The following SLC41A3 variants were observed in gnomAD, a reference collection of about 807,000 sequenced individuals.
The protein encoded by SLC41A3 is solute carrier family 41 member 3, also known as SLC41A1-like 2.
SLC41A3 carries 44 observed loss-of-function variants against 45.4 expected under a neutral mutation model. The observed-to-expected ratio is 0.97, with a 90% CI of 0.76 to 1.25. The LOEUF is 1.25. Among genes scored for constraint, SLC41A3 ranks in the 50% most tolerant of loss-of-function variants. The pLI is 0.00. For missense variants in SLC41A3, 550 were observed against 600.6 expected (o/e 0.92, Z 0.88); for synonymous variants, 256 against 252.4 (o/e 1.01, Z -0.13).
At chr3:126,065,879 G>A (rs1007288202) in intron 2 of SLC41A3, among the ~76,000 whole-genome samples, 7 of 152,150 alleles carry the variant, frequency 4.6e-5, no homozygotes, top group African/African-American at 1.4e-4. Context: ...ATAGAAAAAT[G>A]AGCAAAGAAT....
At chr3:126,087,057 T>C (rs1945409007), upstream of SLC41A3, among the ~76,000 whole-genome samples, 1 of 152,188 alleles carries the variant, frequency 6.6e-6, no homozygotes, top group African/African-American at 2.4e-5. Flanking sequence ...TTGCATTTAT[T>C]GATCAAGTAG....
intron 3 of SLC41A3, among the ~76,000 whole-genome samples, chr3:126,034,016 C>G (rs1049756197): frequency 7.9e-5 from 12 of 152,092 alleles, no homozygotes. Context: ...CACATGCATG[C>G]ACACACACAG....
rs1375414849 is a variant in SLC41A3 at position 126,026,319 on chromosome 3, C to G, written c.598+16G>C. On this transcript the variant is annotated intron_variant, in intron 5 of 10. Transcript: ENST00000360370. The surrounding 1 kb of genome is among the most constrained non-coding windows in gnomAD (Gnocchi z 4.2). ...GCAGGGAGCGGGTGGGGGCTCACAGCTGGGGCATGGCTCACCCAGGGCAAA... is the reference window on the plus strand; with the variant it reads ...GCAGGGAGCGGGTGGGGGCTCACAGGTGGGGCATGGCTCACCCAGGGCAAA... 6.4e-7 allele frequency: 1 copy of G among 1,555,310 alleles called. No individual in the cohort carries two copies. Among genetic ancestry groups the G allele is most frequent in the Non-Finnish European group, 8.7e-7 (1 of 1,148,762 alleles).
At chr3:126,090,639 CTTGT>C (rs1945472295) in intron 1 of SLC41A3, among the ~76,000 whole-genome samples, 2 of 152,132 alleles carry the variant, frequency 1.3e-5, no homozygotes, top group African/African-American at 2.4e-5. Context: ...TTTCTCTCTC[CTTGT>C]TTTACTTCCA....
intron 6 of SLC41A3, 32 bp downstream of exon 6, chr3:126,022,754 C>T: frequency 6.2e-7 from 1 of 1,613,184 alleles, no homozygotes; most frequent in East Asian, 2.2e-5. Context: ...CTCCACGGAG[C>T]CTTTGTGTCT....
At chr3:126,037,483 C>G (rs574010933) in intron 3 of SLC41A3, among the ~76,000 whole-genome samples, 15 of 152,208 alleles carry the variant, frequency 9.9e-5, no homozygotes, top group African/African-American at 3.6e-4. Flanking sequence ...AAAAGGTCAC[C>G]CTTGTTACAC....
intron 8 of SLC41A3, among the ~76,000 whole-genome samples, chr3:126,013,376 A>T (rs1939919891): frequency 6.6e-6 from 1 of 151,978 alleles, no homozygotes; most frequent in South Asian, 2.1e-4. Context: ...CCTGACCAAC[A>T]TGGTGAAACT....
Position 126,016,779 on chromosome 3 carries a change from A to T in SLC41A3, c.842T>A (p.Ile281Asn), listed in dbSNP as rs766801771. 6.2e-6 allele frequency: 10 copies of T among 1,612,738 alleles called. No individual in the cohort carries two copies. The Admixed American group carries it at 1.3e-4, about 22-fold the overall frequency. ...GATTGGGAACCAGCCAAACTTCAGGATCTTCACGATGGGTGGGCTCTGCTT... is the reference window on the plus strand; with the variant it reads ...GATTGGGAACCAGCCAAACTTCAGGTTCTTCACGATGGGTGGGCTCTGCTT... ...IAKQSPPIVKILKFGWFPIIL... is the reference protein window; with the variant it reads ...IAKQSPPIVKNLKFGWFPIIL... Residue 281 changes from isoleucine (I) to asparagine (N), a missense_variant, in exon 7 of 11, where the codon ATC (isoleucine) becomes AAC (asparagine). Transcript: ENST00000360370.
intron 2 of SLC41A3, among the ~76,000 whole-genome samples, chr3:126,053,234 C>T (rs1943455016): frequency 6.6e-6 from 1 of 152,094 alleles, no homozygotes; most frequent in Non-Finnish European, 1.5e-5. Context: ...GGGTCCTAGC[C>T]CAGTATGCGT....
intron 4 of SLC41A3, 81 bp downstream of exon 4, chr3:126,033,526 C>A: frequency 6.8e-7 from 1 of 1,476,474 alleles, no homozygotes; most frequent in Non-Finnish European, 9.3e-7. Context: ...GGGACAAGAG[C>A]TCGCTTAGCC....
intron 1 of SLC41A3, among the ~76,000 whole-genome samples, chr3:126,073,453 A>C (rs1944725612): frequency 6.6e-6 from 1 of 152,044 alleles, no homozygotes; most frequent in African/African-American, 2.4e-5. Context: ...AACAAAAACA[A>C]ACAAACAAAA....
chr3:126,097,920 T>C (rs1400512657), intron 1 of SLC41A3, among the ~76,000 whole-genome samples: 1 of 152,186 alleles, frequency 6.6e-6, no homozygotes. Flanking sequence ...GTAGACTAGT[T>C]CATGCCCCTC....
intron 1 of SLC41A3, among the ~76,000 whole-genome samples, chr3:126,076,813 G>T (rs754991975): frequency 1.3e-5 from 2 of 152,096 alleles, no homozygotes; most frequent in Admixed American, 6.5e-5. Context: ...CCTACTTTGC[G>T]ATTTAGATCA....
chr3:126,068,303 A>G, intron 1 of SLC41A3, 57 bp from the exon 2 acceptor site: 1 of 1,428,956 alleles, frequency 7.0e-7, no homozygotes, highest in East Asian at 2.4e-5. Flanking sequence ...TGGCGCTAAC[A>G]CCCAAGGAGC....
chr3:126,022,974 G>A lies in SLC41A3; in HGVS notation c.599-42C>T, dbSNP rs756957604. ...GAGAAACAGCAGACTCAAATCCCAG[G>A]GAGCCAGATGGCTCTGAGCAGGCAC... On this transcript the variant is annotated intron_variant, in intron 5 of 10. Coordinates refer to ENST00000360370, the MANE Select transcript of SLC41A3 (RefSeq NM_017836.4). 10 of 1,611,134 alleles carry A rather than the reference G, an allele frequency of 6.2e-6. No homozygotes were observed. The Admixed American group carries it at 1.7e-4, about 27-fold the overall frequency.
rs62263502 is a variant in SLC41A3, at chr3:126,098,204, G to A, written c.-79+3225C>T. 5.4e-3 allele frequency among the ~76,000 whole-genome samples: 817 copies of A among 152,310 alleles called. 2 individuals are homozygous for A. Among genetic ancestry groups the A allele is most frequent in the Middle Eastern group, 0.02 (6 of 294 alleles). ...TCTATGTGGAGATAGGGCTTATCAG[G>A]AGATAGTAAAGATTCAGTGAGGTTA... On this transcript the variant is annotated intron_variant, in intron 1 of 9. Coordinates refer to the SLC41A3 transcript ENST00000508835.
At chr3:126,057,173 A>G in intron 2 of SLC41A3, 2 of 985,410 alleles carry the variant, frequency 2.0e-6, no homozygotes, top group Non-Finnish European at 2.4e-6. Flanking sequence ...CCAAGCAGGA[A>G]GCCACGCCCT....
chr3:126,059,303 AAAGAAAGGAAG>A (rs1559870064), intron 2 of SLC41A3, among the ~76,000 whole-genome samples: 92 of 114,740 alleles, frequency 8.0e-4, no homozygotes, highest in African/African-American at 2.2e-3. Context: ...AGAAAGAAAG[AAAGAAAGGAAG>A]GATGATCTGT....
chr3:126,065,333 A>G (rs553728996), intron 2 of SLC41A3, among the ~76,000 whole-genome samples: 2 of 152,370 alleles, frequency 1.3e-5, no homozygotes, highest in Admixed American at 6.5e-5. Context: ...TGTGGAACAC[A>G]GCGATATAAA....
Sources: allele counts gnomAD v4.1 joint callset (sites outside exome capture counted in the v4.1 genomes callset), GRCh38; gene constraint gnomAD v4.1.1; non-coding constraint Gnocchi (gnomAD v3.1); transcripts MANE v1.5; gene names NCBI Gene and HGNC (gene_info 2026-07-23, HGNC 2026-07-21).